Variants in ZNF786 observed in about 807,000 individuals in gnomAD.
ZNF786 encodes zinc finger protein 786.
Under a neutral mutation model 63.1 loss-of-function variants are expected in ZNF786, and 56 were observed. That is an observed-to-expected ratio of 0.89 (90% CI 0.72 to 1.11). The LOEUF (loss-of-function observed/expected upper bound fraction) is 1.11, where lower values mean the gene tolerates loss of function less well. ZNF786 is among the 50% of genes least tolerant of loss of function. The pLI is 0.00. For missense variants in ZNF786, 1,213 were observed against 1,041.8 expected (o/e 1.16, Z -2.26); for synonymous variants, 485 against 406.9 (o/e 1.19, Z -2.31).
At position 149,071,355 on chromosome 7, in the gene ZNF786, G is replaced by A. The variant is rs778167669; in HGVS notation, c.1417C>T (p.Arg473Trp). 3.7e-5 allele frequency: 59 copies of A among 1,613,168 alleles called. No homozygotes were observed. The highest frequency in any genetic ancestry group is 2.5e-4 in the Admixed American group (15 of 59,948). Residue 473 changes from arginine to tryptophan, a missense_variant, in exon 4 of 4, where the codon CGG becomes TGG. Physicochemically the swap from Arg to Trp is moderately radical, Grantham distance 101. Coordinates refer to ENST00000491431, the MANE Select transcript of ZNF786 (RefSeq NM_152411.4). ...RQRGQLLRHQ[R>W]LHTDEKPFQC... The stretch of plus-strand genomic sequence containing the variant: ...AAGGGCTTCTCGTCCGTGTGCAGCC[G>A]CTGGTGCCGCAGCAGCTGTCCCCTC...
Position 149,071,285 on chromosome 7 carries a change from A to G in ZNF786, c.1487T>C (p.Leu496Pro), listed in dbSNP as rs769242314. ...CGLSFRLESM[L>P]RAHRLRHGGE... ...ACCGTGCCGGAGCCGGTGGGCTCTCAGCATGCTCTCCAGGCGGAAGCTCAG... is the reference window on the plus strand; with the variant it reads ...ACCGTGCCGGAGCCGGTGGGCTCTCGGCATGCTCTCCAGGCGGAAGCTCAG... Residue 496 changes from leucine to proline, a missense_variant, in exon 4 of 4, where the codon CTG becomes CCG. Physicochemically the swap from Leu to Pro is moderately conservative, Grantham distance 98. Transcript: ENST00000491431. 2.5e-6 allele frequency: 4 copies of G among 1,613,020 alleles called. No homozygotes were observed. The highest frequency in any genetic ancestry group is 3.3e-5 in the Admixed American group (2 of 59,984).
At chr7:149,073,728 T>TGTGC (rs1324846463) in intron 3 of ZNF786, among the ~76,000 whole-genome samples, 74 of 58,952 alleles carry the variant, frequency 1.3e-3, no homozygotes, top group Non-Finnish European at 1.7e-3. Context: ...TGTGTGCGTG[T>TGTGC]GTGTGTGTGT....
Position 149,071,611 on chromosome 7 carries a change from G to C in ZNF786, c.1161C>G (p.Pro387=), listed in dbSNP as rs939661961. The change falls in exon 4 of 4, where the codon CCC becomes CCG. Residue 387 remains proline (P), a synonymous_variant. Coordinates refer to ENST00000491431, the MANE Select transcript of ZNF786 (RefSeq NM_152411.4). The part of the protein sequence containing the change: ...RSPMSARLAS[P]CRAHTGEKPF... ...GCTTTTCTCCAGTATGCGCCCTGCA[G>C]GGGCTGGCGAGCCTGGCGCTCATAG... is the stretch of plus-strand genomic sequence containing the variant. 4 of 1,596,464 alleles carry C rather than the reference G, an allele frequency of 2.5e-6. No homozygotes were observed. In the African/African-American group the frequency reaches 5.4e-5, roughly 21 times the overall value.
intron 1 of ZNF786, among the ~76,000 whole-genome samples, chr7:149,084,361 A>G (rs1287878184): frequency 6.6e-6 from 1 of 151,534 alleles, no homozygotes; most frequent in Admixed American, 6.6e-5. Flanking sequence ...CAAAAAAAAA[A>G]AAAAAAAAAA....
In ZNF786 at chr7:149,071,784, G is replaced by A. The variant is rs779929118; in HGVS notation, c.988C>T (p.Arg330Cys). Residue 330 changes from arginine (R) to cysteine (C), a missense_variant, in exon 4 of 4, where the codon CGC becomes TGC. Transcript: ENST00000491431. ...REGPASWREG[R>C]GASSSVHSGQ... is the part of the protein sequence containing the mutation. ...GAGTGCACACTGCTGGAGGCCCCGC[G>A]GCCTTCTCTCCAAGAGGCCGGCCCC... The A allele has an allele frequency of 4.4e-6, 7 of 1,581,666 alleles. No homozygotes were observed. The South Asian group carries it at 5.6e-5, about 13-fold the overall frequency.
chr7:149,084,388 G>C (rs1277171893), intron 1 of ZNF786, among the ~76,000 whole-genome samples: 2 of 145,482 alleles, frequency 1.4e-5, no homozygotes, highest in African/African-American at 5.1e-5. Context: ...ATTTTGCTTT[G>C]AGTTCTTTGA....
intron 3 of ZNF786, among the ~76,000 whole-genome samples, chr7:149,073,755 ATATATATATATATATATATATATATG>A (rs1328331288): frequency 7.2e-4 from 52 of 72,452 alleles, no homozygotes; most frequent in Admixed American, 1.9e-3. Flanking sequence ...GTGTATATAT[ATATATATATATATATATATATATATG>A]TATATATATA....
chr7:149,089,827 C>T (rs1252433074), intron 1 of ZNF786, among the ~76,000 whole-genome samples: 1 of 152,026 alleles, frequency 6.6e-6, no homozygotes, highest in Admixed American at 6.6e-5. Flanking sequence ...AATTCTCCTG[C>T]CTGAGCCTCC....
rs1264456669 is a variant in ZNF786 at position 149,071,937 on chromosome 7, G to A, written c.835C>T (p.His279Tyr). ...RNADGEMCFR[H>Y]ELTHPSHRLP... Reference sequence around the variant, plus strand: ...CGGTGGCTGGGATGGGTCAGCTCGTGTCGGAAGCACATTTCACCGTCAGCG... The same window carrying A: ...CGGTGGCTGGGATGGGTCAGCTCGTATCGGAAGCACATTTCACCGTCAGCG... Residue 279 changes from histidine to tyrosine, a missense_variant, in exon 4 of 4, where the codon CAC (histidine) becomes TAC (tyrosine). His to Tyr is a moderately conservative substitution (Grantham distance 83). Coordinates refer to ENST00000491431, the MANE Select transcript of ZNF786 (RefSeq NM_152411.4). 2.5e-6 allele frequency: 4 copies of A among 1,610,326 alleles called. No individual in the cohort carries two copies. The highest frequency in any genetic ancestry group is 1.1e-5 in the South Asian group (1 of 91,030).
intron 1 of ZNF786, among the ~76,000 whole-genome samples, chr7:149,081,435 CAAAAA>C (rs749538585): frequency 1.7e-4 from 8 of 46,228 alleles, no homozygotes; most frequent in African/African-American, 4.9e-4. Context: ...GACTCGGTCT[CAAAAA>C]AAAAAAAAAA....
In ZNF786 at chr7:149,090,634, C is replaced by T. The variant is rs762144901; in HGVS notation, c.7G>A (p.Glu3Lys). The T allele has an allele frequency of 1.9e-6, 3 of 1,591,146 alleles. No homozygotes were observed. The South Asian group carries it at 3.4e-5, about 18-fold the overall frequency. The change falls in exon 1 of 4, where the codon GAG becomes AAG. Residue 3 changes from glutamate (E) to lysine (K), a missense_variant. Physicochemically the swap from Glu to Lys is moderately conservative, Grantham distance 56. Coordinates refer to ENST00000491431, the MANE Select transcript of ZNF786 (RefSeq NM_152411.4). Reference sequence around the variant, plus strand: ...GCTAGCCCGCTTACCCGAGGCGGCTCCGCCATGGTCCCCGCGGTCCCGCCC... The same window carrying T: ...GCTAGCCCGCTTACCCGAGGCGGCTTCGCCATGGTCCCCGCGGTCCCGCCC... MA[E>K]PPRLPLTFED... is the part of the protein sequence containing the mutation.
At chr7:149,083,607 G>A (rs1332349543) in intron 1 of ZNF786, among the ~76,000 whole-genome samples, 1 of 152,136 alleles carries the variant, frequency 6.6e-6, no homozygotes, top group African/African-American at 2.4e-5. Context: ...TGCATGTTGT[G>A]GGGGTTGGTG....
intron 2 of ZNF786, among the ~76,000 whole-genome samples, chr7:149,078,004 A>C (rs2129515806): frequency 6.6e-6 from 1 of 151,758 alleles, no homozygotes; most frequent in South Asian, 2.1e-4. Context: ...CTGGGATTAC[A>C]GGCATGCACA....
chr7:149,078,636 A>G (rs1825600800), intron 2 of ZNF786, among the ~76,000 whole-genome samples: 1 of 152,076 alleles, frequency 6.6e-6, no homozygotes, highest in African/African-American at 2.4e-5. Context: ...GTGAGCCGAC[A>G]TGGTGCCATT....
Position 149,071,403 on chromosome 7 carries a change from T to C in ZNF786, c.1369A>G (p.Lys457Glu). 2 of 1,613,122 alleles carry C rather than the reference T, an allele frequency of 1.2e-6. No individual in the cohort carries two copies. Among genetic ancestry groups the C allele is most frequent in the Admixed American group, 1.7e-5 (1 of 59,930 alleles). Residue 457 changes from lysine to glutamate, a missense_variant, in exon 4 of 4, where the codon AAG (lysine) becomes GAG (glutamate). Lys to Glu is a moderately conservative substitution (Grantham distance 56). Coordinates refer to ENST00000491431, the MANE Select transcript of ZNF786 (RefSeq NM_152411.4). The stretch of plus-strand genomic sequence containing the variant: ...CTCTGACGGAAGTTCCTGCCACACT[T>C]GGCACACCGGAAAGGCTTCTCTCCG... ...HSGEKPFRCA[K>E]CGRNFRQRGQ...
At chr7:149,080,355 T>C (rs2129516293) in intron 2 of ZNF786, among the ~76,000 whole-genome samples, 1 of 152,300 alleles carries the variant, frequency 6.6e-6, no homozygotes, top group East Asian at 1.9e-4. Flanking sequence ...TCATAAATAA[T>C]ATTTAGTCAC....
At chr7:149,082,625 G>T in intron 1 of ZNF786, 1 of 265,016 alleles carries the variant, frequency 3.8e-6, no homozygotes, top group Non-Finnish European at 5.8e-6. Context: ...TCTGTTGCCA[G>T]GCTGGAGTGC....
At position 149,072,037 on chromosome 7, in the gene ZNF786, G is replaced by C; in HGVS notation, c.735C>G (p.Cys245Trp). The C allele has an allele frequency of 1.2e-6, 2 of 1,612,820 alleles. No homozygotes were observed. Among genetic ancestry groups the C allele is most frequent in the Non-Finnish European group, 1.7e-6 (2 of 1,179,628 alleles). Residue 245 changes from cysteine to tryptophan, a missense_variant, in exon 4 of 4, where the codon TGC becomes TGG. Cys to Trp is a radical substitution (Grantham distance 215). Coordinates refer to ENST00000491431, the MANE Select transcript of ZNF786 (RefSeq NM_152411.4). ...ACAGCTTCCGGCGGAAGCTCTTACC[G>C]CACACGCCACACCGGAAGTGCCTCT... ...RVQRHFRCGV[C>W]GKSFRRKLCL... is the part of the protein sequence containing the mutation.
At chr7:149,081,756 C>CAATCAAG (rs1489931526) in intron 1 of ZNF786, among the ~76,000 whole-genome samples, 2 of 151,976 alleles carry the variant, frequency 1.3e-5, no homozygotes, top group Admixed American at 6.6e-5. Context: ...CTAGCCACAG[C>CAATCAAG]AATCAAGCAA....
Sources: allele counts gnomAD v4.1 joint callset (sites outside exome capture counted in the v4.1 genomes callset), GRCh38; gene constraint gnomAD v4.1.1; transcripts MANE v1.5; gene names NCBI Gene and HGNC (gene_info 2026-07-23, HGNC 2026-07-21).